Variants in ADAMTS7 observed in about 807,000 individuals in gnomAD.
ADAMTS7 encodes the protein ADAM metallopeptidase with thrombospondin type 1 motif 7, also known as A disintegrin and metalloproteinase with thrombospondin motifs 7.
In ADAMTS7, 89 loss-of-function variants were observed where a neutral mutation model predicts 172.6. The observed-to-expected ratio is 0.52, with a 90% CI of 0.43 to 0.61. The LOEUF (loss-of-function observed/expected upper bound fraction) is 0.61, where lower values mean the gene tolerates loss of function less well. Among genes scored for constraint, ADAMTS7 ranks in the 20% least tolerant of loss-of-function variants. The pLI is 0.00. For missense variants in ADAMTS7, 1,973 were observed against 2,355.6 expected, an observed-to-expected ratio of 0.84 and a Z score of 3.36; for synonymous variants, 885 against 978.4, an observed-to-expected ratio of 0.90 and a Z score of 1.78.
intron 1 of ADAMTS7, among the ~76,000 whole-genome samples, chr15:78,805,294 G>A (rs1447538244): frequency 6.6e-6 from 1 of 152,162 alleles, no homozygotes; most frequent in African/African-American, 2.4e-5. Context: ...GGTTTGTTTT[G>A]GCTGACACAA....
intron 23 of ADAMTS7, 89 bp from the exon 24 acceptor site, chr15:78,759,667 C>T: frequency 1.5e-5 from 20 of 1,371,876 alleles, no homozygotes; most frequent in Non-Finnish European, 1.8e-5. Flanking sequence ...AAGGAGGCTC[C>T]AGCAGCTCCC....
chr15:78,761,415 G>A (rs2055040989), intron 23 of ADAMTS7, among the ~76,000 whole-genome samples: 2 of 152,224 alleles, frequency 1.3e-5, no homozygotes, highest in African/African-American at 4.8e-5. Flanking sequence ...TAGACTGGCA[G>A]GGTCAGCCCC....
At chr15:78,768,041 CG>C in intron 17 of ADAMTS7, 91 bp downstream of exon 17, 1 of 717,018 alleles carries the variant, frequency 1.4e-6, no homozygotes, top group Non-Finnish European at 2.1e-6. Flanking sequence ...GGGGAGTTGG[CG>C]GGGGATGGGG....
rs183723794 is a variant in ADAMTS7 at position 78,777,867 on chromosome 15, A to G, written c.1323-279T>C. Among the ~76,000 whole-genome samples, 950 of 152,218 alleles carry G rather than the reference A, an allele frequency of 6.2e-3. 6 individuals carry two copies. The highest frequency in any genetic ancestry group is 0.013 in the African/African-American group (529 of 41,546). On this transcript the variant is annotated intron_variant, in intron 8 of 23. Transcript: ENST00000388820. ...CACACGCTGCCAGGGCCCTTCCCTC[A>G]GAAGGCCTCCTGGACCACCAAGCCG... is the stretch of plus-strand genomic sequence containing the variant.
At chr15:78,772,944 C>T in intron 14 of ADAMTS7, 139 bp downstream of exon 14, 1 of 1,159,542 alleles carries the variant, frequency 8.6e-7, no homozygotes, top group South Asian at 1.5e-5. Flanking sequence ...TGCAAGAATC[C>T]ACCCCAGCAA....
Position 78,766,940 on chromosome 15 carries a change from G to A in ADAMTS7, c.2971C>T (p.Leu991=). Residue 991 remains leucine (L), a synonymous_variant, in exon 19 of 24, where the codon CTG becomes TTG. Transcript: ENST00000388820. ...CCCAGGGGCCACCGACAGAGTGGCA[G>A]AGAGCAGGTGACTTCGCTGGCTGGC... is the stretch of plus-strand genomic sequence containing the variant. ...QQPASEVTCS[L]PLCRWPLGTL... 6.2e-7 allele frequency: 1 copy of A among 1,610,856 alleles called. No individual in the cohort carries two copies. The highest frequency in any genetic ancestry group is 2.2e-5 in the East Asian group (1 of 44,886).
At position 78,763,805 on chromosome 15, in the gene ADAMTS7, A is replaced by T. The variant is rs1473554185; in HGVS notation, c.4634T>A (p.Val1545Glu). 1 of 1,583,982 alleles carries T rather than the reference A, an allele frequency of 6.3e-7. No individual in the cohort carries two copies. ...GCAGAGGCCTGGCTCCGGGCAGGTCACTAGACGCTGCTGCTCACCACCGCC... is the reference window on the plus strand; with the variant it reads ...GCAGAGGCCTGGCTCCGGGCAGGTCTCTAGACGCTGCTGCTCACCACCGCC... ...ACGGGEQQRL[V>E]TCPEPGLCEE... Residue 1545 changes from valine to glutamate, a missense_variant, in exon 22 of 24, where the codon GTG becomes GAG. By Grantham distance (121) the Val-to-Glu change is moderately radical (BLOSUM62 -2). Around this residue, in one of 8 missense-constraint regions of ADAMTS7, gnomAD observed 218 missense variants for 216.9 expected, o/e 1.01. Coordinates refer to ENST00000388820, the MANE Select transcript of ADAMTS7 (RefSeq NM_014272.5).
Position 78,767,526 on chromosome 15 carries a change from G to A in ADAMTS7, c.2712C>T (p.Ala904=), listed in dbSNP as rs368801533. Residue 904 remains alanine (A), a synonymous_variant, in exon 18 of 24, where the codon GCC becomes GCT. Coordinates refer to ENST00000388820, the MANE Select transcript of ADAMTS7 (RefSeq NM_014272.5). ...GCCCCACGCTGCGGATGCAGAGCAC[G>A]GCCCGGCGGGAGAGGCCCCCAGGCC... ...SCGPGGLSRR[A]VLCIRSVGLD... The A allele has an allele frequency of 1.3e-5, 20 of 1,595,428 alleles. No homozygotes were observed. The highest frequency in any genetic ancestry group is 2.3e-5 in the East Asian group (1 of 44,238).
rs2055865631 is a variant in ADAMTS7, at chr15:78,811,389, C to T, written c.-169G>A. The stretch of plus-strand genomic sequence containing the variant: ...GCGCTCGGTCCGCGGGCAACAAAGG[C>T]TGCAGGGCCCGCCCCCTTGGCCGCT... On this transcript the variant is annotated 5_prime_UTR_variant, in exon 1 of 24. Coordinates refer to ENST00000388820, the MANE Select transcript of ADAMTS7 (RefSeq NM_014272.5). The T allele has an allele frequency of 1.5e-6, 1 of 676,510 alleles. No individual in the cohort carries two copies. Among genetic ancestry groups the T allele is most frequent in the East Asian group, 3.7e-5 (1 of 27,354 alleles). The allele number at this position is 676,510 out of a possible 1,614,324, so 41.9% of individuals were successfully genotyped here. A position where few individuals can be genotyped will look rare whatever the true frequency, so the allele number is the denominator to read the frequency against.
rs527381278 is a variant in ADAMTS7 at position 78,759,460 on chromosome 15, G to T, written c.5022C>A (p.Gly1674=). 5 of 1,596,168 alleles carry T rather than the reference G, an allele frequency of 3.1e-6. No homozygotes were observed. Among genetic ancestry groups the T allele is most frequent in the Non-Finnish European group, 4.2e-6 (5 of 1,177,020 alleles). The change falls in exon 24 of 24, where the codon GGC becomes GGA. Residue 1674 remains glycine, a synonymous_variant. Transcript: ENST00000388820. ...CCCGCTGATGGCCTCGGGAGGGGGC[G>T]CCGTGGCTGGGCGGAGAGCACGAGC... is the stretch of plus-strand genomic sequence containing the variant. ...CCRSCSPPSH[G]APSRGHQRVA...
chr15:78,806,074 T>G (rs1436751514), intron 1 of ADAMTS7, among the ~76,000 whole-genome samples: 5 of 56,000 alleles, frequency 8.9e-5, no homozygotes, highest in Non-Finnish European at 1.4e-4. Flanking sequence ...AGCGAGACTC[T>G]GACTCCCCCC....
intron 11 of ADAMTS7, among the ~76,000 whole-genome samples, chr15:78,775,652 C>T (rs562910552): frequency 5.3e-5 from 8 of 152,262 alleles, no homozygotes; most frequent in East Asian, 1.9e-4. Flanking sequence ...CCAGCTGCTC[C>T]GTCTCATCTC....
intron 5 of ADAMTS7, 149 bp downstream of exon 5, chr15:78,790,991 G>T: frequency 8.2e-7 from 1 of 1,213,754 alleles, no homozygotes; most frequent in Non-Finnish European, 1.2e-6. Flanking sequence ...GAGAGGGTCA[G>T]TCAGGAACCA....
At chr15:78,767,350 A>G (rs759919152) in intron 18 of ADAMTS7, 29 bp downstream of exon 18, 1 of 1,609,280 alleles carries the variant, frequency 6.2e-7, no homozygotes, top group Admixed American at 1.7e-5. Context: ...GTGGAGCTGG[A>G]GGCGGGCCCC....
chr15:78,799,993 A>G (rs1264911071), intron 2 of ADAMTS7, among the ~76,000 whole-genome samples, 199 bp downstream of exon 2: 1 of 151,630 alleles, frequency 6.6e-6, no homozygotes, highest in East Asian at 1.9e-4. Context: ...CGGCTTTCAC[A>G]TTAAACTTTG....
rs575338616 is a variant in ADAMTS7, at chr15:78,762,336, C to A, written c.4903+67G>T. 357 of 1,342,628 alleles carry A rather than the reference C, an allele frequency of 2.7e-4. 1 individual carries two copies. Among genetic ancestry groups the A allele is most frequent in the Admixed American group, 2.5e-3 (68 of 27,324 alleles). The allele number at this position is 1,342,628 out of a possible 1,614,324, so 83.2% of individuals were successfully genotyped here. ...GCCGTGGGCACAATGGTTTGACGAC[C>A]CCATTTCCCCATCACCCTCCCCACC... On this transcript the variant is annotated intron_variant, in intron 23 of 23. Transcript: ENST00000388820.
rs1478832148 is a variant in ADAMTS7 at position 78,798,713 on chromosome 15, C to T, written c.457-600G>A. Among the ~76,000 whole-genome samples, 14 of 152,260 alleles carry T rather than the reference C, an allele frequency of 9.2e-5. No homozygotes were observed. In the South Asian group the frequency reaches 1.7e-3, roughly 18 times the overall value. On this transcript the variant is annotated intron_variant, in intron 2 of 23. Coordinates refer to ENST00000388820, the MANE Select transcript of ADAMTS7 (RefSeq NM_014272.5). ...CTGGCAGGAGTGTCTTGGACATGTC[C>T]GCCAGCATTCAGAGTCCAGGGAGGG... is the stretch of plus-strand genomic sequence containing the variant.
At chr15:78,760,463 C>T (rs531649079) in intron 23 of ADAMTS7, among the ~76,000 whole-genome samples, 4 of 152,018 alleles carry the variant, frequency 2.6e-5, no homozygotes, top group South Asian at 2.1e-4. Context: ...GCAGAGGGCA[C>T]GAGGCAGCAG....
intron 1 of ADAMTS7, among the ~76,000 whole-genome samples, chr15:78,808,652 A>G (rs374169274): frequency 1.4e-5 from 2 of 145,266 alleles, no homozygotes; most frequent in African/African-American, 5.1e-5. Flanking sequence ...GACCTCACTC[A>G]GTAGAGATGT....
Sources: allele counts gnomAD v4.1 joint callset (sites outside exome capture counted in the v4.1 genomes callset), GRCh38; gene constraint gnomAD v4.1.1; regional missense constraint gnomAD v4.1.1; transcripts MANE v1.5; gene names NCBI Gene and HGNC (gene_info 2026-07-23, HGNC 2026-07-21).